MCM5: variants seen among roughly 807,000 people sequenced by gnomAD.
The protein encoded by MCM5 is minichromosome maintenance complex component 5.
MCM5 carries 46 observed loss-of-function variants against 79.9 expected under a neutral mutation model. The observed-to-expected ratio is 0.58, with a 90% CI of 0.45 to 0.74. MCM5 has a LOEUF of 0.74. Among genes scored for constraint, MCM5 ranks in the 30% least tolerant of loss-of-function variants. MCM5 has a pLI of 0.00. For missense variants in MCM5, 883 were observed against 1,017.0 expected (o/e 0.87, Z 1.79); for synonymous variants, 404 against 390.5 (o/e 1.03, Z -0.41).
rs1131692169 is a variant in MCM5, at chr22:35,416,388, C to T, written c.1397C>T (p.Thr466Ile). 6.2e-7 allele frequency: 1 copy of T among 1,613,786 alleles called. No homozygotes were observed. Among genetic ancestry groups the T allele is most frequent in the Non-Finnish European group, 8.5e-7 (1 of 1,180,018 alleles). Residue 466 changes from threonine to isoleucine, a missense_variant, in exon 11 of 17, where the codon ACC becomes ATC. Thr to Ile is a moderately conservative substitution (Grantham distance 89, BLOSUM62 -1). Transcript: ENST00000216122. ...ATCCACGAAGCCATGGAGCAGCAGACCATCTCTATCGCCAAGGTGAGTGGC... is the reference window on the plus strand; with the variant it reads ...ATCCACGAAGCCATGGAGCAGCAGATCATCTCTATCGCCAAGGTGAGTGGC... ...VAIHEAMEQQ[T>I]ISIAKAGITT...
intron 15 of MCM5, 48 bp from the exon 16 acceptor site, chr22:35,423,166 C>T (rs373321540): frequency 1.3e-6 from 2 of 1,512,414 alleles, no homozygotes; most frequent in Non-Finnish European, 1.8e-6. Context: ...TGTCCAAGAA[C>T]TCCCATTGTC....
chr22:35,416,281 CT>C, intron 10 of MCM5, 57 bp from the exon 11 acceptor site: 1 of 1,519,174 alleles, frequency 6.6e-7, no homozygotes, highest in Admixed American at 1.7e-5. Flanking sequence ...CCTGTTTCTA[CT>C]GCTCCCTGCT....
intron 16 of MCM5, 161 bp downstream of exon 16, chr22:35,423,502 T>G: frequency 1.5e-6 from 1 of 688,762 alleles, no homozygotes; most frequent in South Asian, 3.2e-5. Flanking sequence ...CATCATTCCT[T>G]CCCTAGGGAC....
intron 8 of MCM5, among the ~76,000 whole-genome samples, 196 bp from the exon 9 acceptor site, chr22:35,413,679 C>T (rs1395766699): frequency 6.6e-6 from 1 of 152,184 alleles, no homozygotes; most frequent in Non-Finnish European, 1.5e-5. Context: ...CATTGCTAGG[C>T]AAGACCTACC....
chr22:35,416,939 T>TGG lies in MCM5; in HGVS notation c.1590+128_1590+129dup, dbSNP rs2145796977. ...AGTCCTGACTGTCAGGCTGTGAAAT[T>TGG]GGGGAGCACGTGAGAGGGCGGTTGT... is the stretch of plus-strand genomic sequence containing the variant. On this transcript the variant is annotated intron_variant, in intron 12 of 16. Coordinates refer to ENST00000216122, the MANE Select transcript of MCM5 (RefSeq NM_006739.4). 12 of 1,119,636 alleles carry TGG rather than the reference T, an allele frequency of 1.1e-5. No individual in the cohort carries two copies. In the South Asian group the frequency reaches 1.6e-4, roughly 15 times the overall value. The allele number at this position is 1,119,636 out of a possible 1,614,324, so 69.4% of individuals were successfully genotyped here.
At chr22:35,430,299 A>C (rs903117832), downstream of MCM5, among the ~76,000 whole-genome samples, 5 of 152,124 alleles carry the variant, frequency 3.3e-5, no homozygotes, top group African/African-American at 7.2e-5. Flanking sequence ...TGTTAAGAGG[A>C]TTGATAATAG....
the MCM5 span, among the ~76,000 whole-genome samples, chr22:35,437,080 G>A: frequency 6.6e-6 from 1 of 152,334 alleles, no homozygotes; most frequent in South Asian, 2.1e-4. Context: ...CAGGTGATCA[G>A]TTGACACCTG....
At chr22:35,423,415 A>G (rs946626347) in intron 16 of MCM5, 74 bp downstream of exon 16, 1 of 1,481,378 alleles carries the variant, frequency 6.8e-7, no homozygotes, top group Non-Finnish European at 9.1e-7. Flanking sequence ...CCCACTCAGC[A>G]CTGGCATCTT....
chr22:35,445,573 G>A, the MCM5 span, among the ~76,000 whole-genome samples: 6 of 151,006 alleles, frequency 4.0e-5, no homozygotes, highest in African/African-American at 1.2e-4. Flanking sequence ...GCAGTGGCGC[G>A]ATCTCAGCTC....
chr22:35,413,324 G>T (rs191159488), intron 8 of MCM5, among the ~76,000 whole-genome samples: 198 of 152,320 alleles, frequency 1.3e-3, no homozygotes, highest in Middle Eastern at 6.8e-3. Context: ...GATTACAGGC[G>T]TGAGCCACCG....
At chr22:35,414,055 G>A in intron 9 of MCM5, 69 bp downstream of exon 9, 3 of 1,040,158 alleles carry the variant, frequency 2.9e-6, no homozygotes, top group Non-Finnish European at 4.5e-6. Context: ...GGGCCTCTGG[G>A]TCCTCAGGAC....
At chr22:35,413,471 G>A (rs1332388757) in intron 8 of MCM5, among the ~76,000 whole-genome samples, 1 of 152,146 alleles carries the variant, frequency 6.6e-6, no homozygotes, top group African/African-American at 2.4e-5. Flanking sequence ...AAAGGGACTT[G>A]CTCCCCAGCA....
At chr22:35,447,550 G>A in the MCM5 span, among the ~76,000 whole-genome samples, 3 of 152,164 alleles carry the variant, frequency 2.0e-5, no homozygotes, top group Admixed American at 2.0e-4. Context: ...TTGGCTCACT[G>A]CAGCCTCTGC....
the MCM5 span, among the ~76,000 whole-genome samples, chr22:35,438,230 CCCACCCACCCACATATTCAT>C: frequency 8.5e-6 from 1 of 117,698 alleles, no homozygotes; most frequent in Non-Finnish European, 1.8e-5. Flanking sequence ...CATCCATCCA[CCCACCCACCCACATATTCAT>C]CCACCCACCC....
At chr22:35,427,642 C>T (rs1367904794), downstream of MCM5, among the ~76,000 whole-genome samples, 1 of 151,758 alleles carries the variant, frequency 6.6e-6, no homozygotes, top group Non-Finnish European at 1.5e-5. Context: ...TGGTTTGCTG[C>T]ACCCATCAAC....
At chr22:35,448,620 G>A in the MCM5 span, among the ~76,000 whole-genome samples, 2 of 152,242 alleles carry the variant, frequency 1.3e-5, no homozygotes, top group African/African-American at 4.8e-5. Flanking sequence ...CATGCATCCA[G>A]CCTGGTGTGG....
the MCM5 span, among the ~76,000 whole-genome samples, chr22:35,437,053 A>G: frequency 1.3e-5 from 2 of 152,212 alleles, no homozygotes; most frequent in African/African-American, 4.8e-5. Context: ...CACAGCCACA[A>G]ACTTCTGACT....
chr22:35,433,242 T>C, the MCM5 span, among the ~76,000 whole-genome samples: 1 of 152,148 alleles, frequency 6.6e-6, no homozygotes, highest in African/African-American at 2.4e-5. Flanking sequence ...GGCCCCTTGA[T>C]TCCCTTTGCA....
the MCM5 span, among the ~76,000 whole-genome samples, chr22:35,451,339 C>A: frequency 1.3e-5 from 2 of 152,246 alleles, no homozygotes; most frequent in African/African-American, 4.8e-5. Flanking sequence ...TCAAACTTTG[C>A]GGGTCTCAGT....
Sources: gnomAD v4.1 joint callset for allele counts (sites outside exome capture counted in the v4.1 genomes callset) on GRCh38, gnomAD v4.1.1 for gene constraint, MANE v1.5 for transcripts, NCBI Gene and HGNC (gene_info 2026-07-23, HGNC 2026-07-21) for gene names.